Variants in KCNQ5 observed in about 807,000 individuals in gnomAD.
KCNQ5 encodes potassium voltage-gated channel subfamily Q member 5.
In KCNQ5, 30 loss-of-function variants were observed where a neutral mutation model predicts 98.2. That is an observed-to-expected ratio of 0.31 (90% confidence interval 0.23 to 0.41). KCNQ5 has a LOEUF of 0.41. Ranked by LOEUF, KCNQ5 falls within the 10% of genes least tolerant of loss-of-function variation. KCNQ5 has a pLI of 1.00. For missense variants in KCNQ5, 835 were observed against 1,182.5 expected (o/e 0.71, Z 4.31); for synonymous variants, 458 against 449.4 (o/e 1.02, Z -0.24).
intron 1 of KCNQ5, among the ~76,000 whole-genome samples, chr6:72,949,538 G>A (rs1766703143): frequency 6.6e-6 from 1 of 152,122 alleles, no homozygotes; most frequent in African/African-American, 2.4e-5. Flanking sequence ...ATATTGTAGT[G>A]CCAATATTAT....
intron 1 of KCNQ5, among the ~76,000 whole-genome samples, chr6:72,934,538 T>C (rs1765821116): frequency 6.6e-6 from 1 of 152,216 alleles, no homozygotes; most frequent in Admixed American, 6.5e-5. Context: ...CAAAATTATT[T>C]AGTGACAATG....
intron 8 of KCNQ5, among the ~76,000 whole-genome samples, chr6:73,120,943 A>T (rs1486261233): frequency 1.3e-5 from 2 of 152,238 alleles, no homozygotes. Flanking sequence ...GCCTGACCCC[A>T]AGAGATGAGT....
chr6:72,893,276 G>A (rs928642129), intron 1 of KCNQ5, among the ~76,000 whole-genome samples: 1 of 151,686 alleles, frequency 6.6e-6, no homozygotes, highest in Non-Finnish European at 1.5e-5. Context: ...GTATGCATCA[G>A]GCTATTGTGG....
intron 10 of KCNQ5, among the ~76,000 whole-genome samples, chr6:73,150,396 T>C (rs569851178): frequency 7.3e-5 from 11 of 149,932 alleles, no homozygotes; most frequent in Non-Finnish European, 1.3e-4. Flanking sequence ...CGTAGTAGCT[T>C]TCTTTGTAAT....
rs369487318 is a variant in KCNQ5 at position 72,622,625 on chromosome 6, G to A, written c.398+38G>A. 303 of 1,607,738 alleles carry A rather than the reference G, an allele frequency of 1.9e-4. 1 individual carries two copies. In the African/African-American group the frequency reaches 3.6e-3, roughly 19 times the overall value. On this transcript the variant is annotated intron_variant, in intron 1 of 13. Transcript: ENST00000370398. The surrounding 1 kb of genome is among the most constrained non-coding windows in gnomAD (Gnocchi z 6.0). ...GCCCCCTGCTATGCCCGCTGCAGGG[G>A]ACCACTGTCCCTGGCCCCCTGGGGC...
rs377051700 is a variant in KCNQ5 at position 73,187,311 on chromosome 6, G to A, written c.1578-3262G>A. 4.1e-4 allele frequency among the ~76,000 whole-genome samples: 63 copies of A among 152,116 alleles called. 1 individual carries two copies. In the East Asian group the frequency reaches 8.3e-3, roughly 20 times the overall value. ...CCTGACCTCGTGATCCACCCGCCTC[G>A]GCCTCCCAAAGTGCTAGGATTACAG... On this transcript the variant is annotated intron_variant, in intron 11 of 13. Transcript: ENST00000370398.
At chr6:73,057,842 T>G (rs2150372249) in intron 3 of KCNQ5, among the ~76,000 whole-genome samples, 1 of 152,356 alleles carries the variant, frequency 6.6e-6, no homozygotes, top group African/African-American at 2.4e-5. Flanking sequence ...ATTGTGTGAC[T>G]TCAATCTATA....
intron 1 of KCNQ5, among the ~76,000 whole-genome samples, chr6:72,923,889 A>T (rs891580458): frequency 5.9e-5 from 9 of 152,222 alleles, no homozygotes; most frequent in African/African-American, 2.2e-4. Context: ...GAGTTATACA[A>T]TATTTAAATA....
chr6:72,746,279 A>G (rs1272601018), intron 1 of KCNQ5, among the ~76,000 whole-genome samples: 4 of 152,038 alleles, frequency 2.6e-5, no homozygotes. Flanking sequence ...TTTCATCAAG[A>G]TTATTCCCCT....
At chr6:72,776,394 T>G (rs1468549840) in intron 1 of KCNQ5, among the ~76,000 whole-genome samples, 3 of 152,228 alleles carry the variant, frequency 2.0e-5, no homozygotes, top group Non-Finnish European at 4.4e-5. Flanking sequence ...AGGTAGGAGC[T>G]TTATGAACAA....
intron 1 of KCNQ5, among the ~76,000 whole-genome samples, chr6:72,937,991 T>A (rs1448412803): frequency 6.6e-6 from 1 of 152,190 alleles, no homozygotes; most frequent in Non-Finnish European, 1.5e-5. Flanking sequence ...TCTTTCTAAG[T>A]CTGTTTTTAT....
chr6:72,647,696 G>A (rs1765667904), intron 1 of KCNQ5, among the ~76,000 whole-genome samples: 1 of 152,138 alleles, frequency 6.6e-6, no homozygotes, highest in Admixed American at 6.6e-5. Flanking sequence ...GCAATCAAAA[G>A]AGAGGGACCA....
At chr6:73,107,566 T>A (rs1775055302) in intron 6 of KCNQ5, among the ~76,000 whole-genome samples, 1 of 152,148 alleles carries the variant, frequency 6.6e-6, no homozygotes, top group Non-Finnish European at 1.5e-5. Context: ...CCAATTAGTG[T>A]TAGGGTCAAC....
intron 1 of KCNQ5, among the ~76,000 whole-genome samples, chr6:72,957,294 C>G (rs1767128696): frequency 6.6e-6 from 1 of 151,844 alleles, no homozygotes; most frequent in African/African-American, 2.4e-5. Context: ...CCTCAGCCTC[C>G]CTAGTAGCTG....
chr6:72,662,469 T>C (rs991004270), intron 1 of KCNQ5, among the ~76,000 whole-genome samples: 2 of 152,132 alleles, frequency 1.3e-5, no homozygotes, highest in Non-Finnish European at 2.9e-5. Flanking sequence ...AAAGCAGATG[T>C]GAATCAGCTA....
At chr6:72,840,663 G>A (rs1294274491) in intron 1 of KCNQ5, among the ~76,000 whole-genome samples, 2 of 152,088 alleles carry the variant, frequency 1.3e-5, no homozygotes, top group African/African-American at 4.8e-5. Flanking sequence ...ATTTGCAAGA[G>A]GTTCAATTAG....
At chr6:73,110,865 A>G (rs1017368661) in intron 6 of KCNQ5, among the ~76,000 whole-genome samples, 31 of 152,314 alleles carry the variant, frequency 2.0e-4, no homozygotes, top group African/African-American at 7.5e-4. Context: ...GTGAGACTTT[A>G]ACTCCCTCAG....
chr6:72,675,243 C>T (rs1352283962), intron 1 of KCNQ5, among the ~76,000 whole-genome samples: 2 of 152,072 alleles, frequency 1.3e-5, no homozygotes, highest in Non-Finnish European at 2.9e-5. Context: ...GTCTTGAGGA[C>T]ACATAAGGCT....
At chr6:72,690,241 A>C (rs1295273010) in intron 1 of KCNQ5, among the ~76,000 whole-genome samples, 2 of 152,206 alleles carry the variant, frequency 1.3e-5, no homozygotes, top group African/African-American at 4.8e-5. Context: ...CTCCAAAAAA[A>C]CAAAAAAGAA....
Sources: allele counts gnomAD v4.1 joint callset (sites outside exome capture counted in the v4.1 genomes callset), GRCh38; gene constraint gnomAD v4.1.1; non-coding constraint Gnocchi (gnomAD v3.1); transcripts MANE v1.5; gene names NCBI Gene and HGNC (gene_info 2026-07-23, HGNC 2026-07-21).